The following DYSF variants were observed in gnomAD, a reference collection of about 807,000 sequenced individuals.
DYSF encodes the protein dystrophy-associated fer-1-like 1.
Under a neutral mutation model 274.9 loss-of-function variants are expected in DYSF, and 212 were observed. That is an observed-to-expected ratio of 0.77 (90% CI 0.69 to 0.86). The LOEUF (loss-of-function observed/expected upper bound fraction) is 0.86. Ranked by LOEUF, DYSF falls within the 40% of genes least tolerant of loss-of-function variation. DYSF has a pLI of 0.00. For synonymous variants in DYSF, 1,091 were observed against 1,078.7 expected, an observed-to-expected ratio of 1.01 and a Z score of -0.22; for missense variants, 2,666 against 2,783.2, an observed-to-expected ratio of 0.96 and a Z score of 0.95.
chr2:71,480,958 T>G lies in DYSF; in HGVS notation c.147+20T>G. The stretch of plus-strand genomic sequence containing the variant: ...AATGAGGTATGTGAGTTTTTCTCCT[T>G]CCTTTTCTCTCTGTCTGCTGCAGTT... On this transcript the variant is annotated intron_variant, in intron 2 of 55. Coordinates refer to ENST00000410020, the MANE Select transcript of DYSF (RefSeq NM_001130987.2). 1 of 1,611,414 alleles carries G rather than the reference T, an allele frequency of 6.2e-7. No individual in the cohort carries two copies. Among genetic ancestry groups the G allele is most frequent in the South Asian group, 1.1e-5 (1 of 91,000 alleles).
chr2:71,625,546 A>G (rs890074080), intron 41 of DYSF, among the ~76,000 whole-genome samples: 9 of 151,962 alleles, frequency 5.9e-5, no homozygotes, highest in African/African-American at 2.2e-4. Flanking sequence ...TCTCTGGGCT[A>G]TTTTAGTATC....
intron 42 of DYSF, among the ~76,000 whole-genome samples, chr2:71,655,916 C>T (rs1236133274): frequency 7.4e-6 from 1 of 135,740 alleles, no homozygotes; most frequent in Non-Finnish European, 1.5e-5. Flanking sequence ...TGTCCATCTC[C>T]TCCTCTGTTC....
intron 1 of DYSF, among the ~76,000 whole-genome samples, chr2:71,479,379 G>C (rs984025122): frequency 6.6e-6 from 1 of 151,796 alleles, no homozygotes. Flanking sequence ...GGGCTTAGTG[G>C]GGGAACCCCT....
At chr2:71,513,691 C>G in intron 6 of DYSF, 25 bp from the exon 7 acceptor site, 1 of 1,611,926 alleles carries the variant, frequency 6.2e-7, no homozygotes, top group Non-Finnish European at 8.5e-7. Context: ...GGGATCCAGG[C>G]CTCATTAGGG....
chr2:71,586,171 C>T (rs2093061098), intron 30 of DYSF, among the ~76,000 whole-genome samples: 1 of 151,994 alleles, frequency 6.6e-6, no homozygotes, highest in African/African-American at 2.4e-5. Flanking sequence ...CTGGGAGGGC[C>T]AGTGGACCAG....
At chr2:71,625,738 G>A (rs2152902300) in intron 41 of DYSF, among the ~76,000 whole-genome samples, 1 of 152,118 alleles carries the variant, frequency 6.6e-6, no homozygotes, top group South Asian at 2.1e-4. Flanking sequence ...GATCAGTTTG[G>A]GGAAAGCAGA....
chr2:71,615,158 T>C lies in DYSF; in HGVS notation c.4464+1748T>C, dbSNP rs2093854120. 6.6e-6 allele frequency among the ~76,000 whole-genome samples: 1 copy of C among 152,104 alleles called. No homozygotes were observed. Among genetic ancestry groups the C allele is most frequent in the Non-Finnish European group, 1.5e-5 (1 of 67,992 alleles). ...CACAAGCACAGCCAGAGGCAGACGA[T>C]GAGGAGGCCCAGCCTGGCCATCCTC... On this transcript the variant is annotated intron_variant, in intron 40 of 55. Coordinates refer to ENST00000410020, the MANE Select transcript of DYSF (RefSeq NM_001130987.2). The surrounding 1 kb of genome is among the most constrained non-coding windows in gnomAD (Gnocchi z 4.9).
At position 71,564,204 on chromosome 2, in the gene DYSF, C is replaced by T; in HGVS notation, c.2556C>T (p.Ile852=). Residue 852 remains isoleucine, a synonymous_variant, in exon 24 of 56, where the codon ATC becomes ATT. Transcript: ENST00000410020. The part of the protein sequence containing the change: ...CGKNCGKLQT[I]FLKYPMEKVP... ...AGAATTGTGGGAAGCTACAGACAAT[C>T]TTTCTGAAAGTGAGTTTTCTTTTTT... 1.2e-6 allele frequency: 2 copies of T among 1,614,284 alleles called. No individual in the cohort carries two copies. Among genetic ancestry groups the T allele is most frequent in the Non-Finnish European group, 1.7e-6 (2 of 1,180,050 alleles).
At chr2:71,576,894 G>A (rs1423560769) in intron 30 of DYSF, 2 of 152,276 alleles carry the variant, frequency 1.3e-5, no homozygotes, top group African/African-American at 2.4e-5. Flanking sequence ...TTCTTCTTGT[G>A]GAAGAGACTG....
At chr2:71,673,807 G>T (rs1478769213) in intron 51 of DYSF, among the ~76,000 whole-genome samples, 1 of 152,136 alleles carries the variant, frequency 6.6e-6, no homozygotes, top group East Asian at 1.9e-4. Context: ...AAGGATAAAT[G>T]AGTTCATAGC....
At chr2:71,569,687 T>C (rs2092313332) in intron 26 of DYSF, 133 bp from the exon 27 acceptor site, 1 of 761,384 alleles carries the variant, frequency 1.3e-6, no homozygotes, top group African/African-American at 1.7e-5. Flanking sequence ...CACCCTTCCC[T>C]CCCCACCCCC....
intron 22 of DYSF, among the ~76,000 whole-genome samples, chr2:71,559,973 G>C (rs1446290691): frequency 6.6e-6 from 1 of 152,248 alleles, no homozygotes; most frequent in Non-Finnish European, 1.5e-5. Flanking sequence ...GCAGAGGCAG[G>C]CAGGGACCTT....
In DYSF at chr2:71,673,249, G is replaced by A. The variant is rs372083350; in HGVS notation, c.5785-948G>A. Among the ~76,000 whole-genome samples, 4 of 152,216 alleles carry A rather than the reference G, an allele frequency of 2.6e-5. No homozygotes were observed. The East Asian group carries it at 7.7e-4, about 29-fold the overall frequency. On this transcript the variant is annotated intron_variant, in intron 51 of 55. Coordinates refer to ENST00000410020, the MANE Select transcript of DYSF (RefSeq NM_001130987.2). Reference sequence around the variant, plus strand: ...ACTGCGCTGGAAAGCCCTAGTGACAGTGCTGTGGGTTGAGTGTGGCTGGAC... The same window carrying A: ...ACTGCGCTGGAAAGCCCTAGTGACAATGCTGTGGGTTGAGTGTGGCTGGAC...
rs540199150 is a variant in DYSF, at chr2:71,623,114, C to T, written c.4527+2505C>T. ...TTTACTACAGTTGCAGCCTTCTTAT[C>T]CAATGCAATCGAGACAGGTAGTCGA... On this transcript the variant is annotated intron_variant, in intron 41 of 55. Transcript: ENST00000410020. Among the ~76,000 whole-genome samples, 11 of 152,228 alleles carry T rather than the reference C, an allele frequency of 7.2e-5. No individual in the cohort carries two copies. In the South Asian group the frequency reaches 2.3e-3, roughly 32 times the overall value.
intron 1 of DYSF, among the ~76,000 whole-genome samples, chr2:71,472,685 C>T (rs1033769365): frequency 2.6e-5 from 4 of 152,210 alleles, no homozygotes; most frequent in Admixed American, 6.5e-5. Context: ...GGATTACAGG[C>T]GTGAGCCACC....
intron 45 of DYSF, 85 bp from the exon 46 acceptor site, chr2:71,664,183 G>A: frequency 6.4e-7 from 1 of 1,564,262 alleles, no homozygotes; most frequent in Non-Finnish European, 8.8e-7. Context: ...AAGACTCCCT[G>A]GGGTAGTTTC....
In DYSF at chr2:71,667,435, G is replaced by A. The variant is rs1388042481; in HGVS notation, c.5377G>A (p.Val1793Met). The A allele has an allele frequency of 6.2e-7, 1 of 1,614,156 alleles. No homozygotes were observed. Residue 1793 changes from valine to methionine, a missense_variant, in exon 48 of 56, where the codon GTG becomes ATG. By Grantham distance (21) the Val-to-Met change is conservative (BLOSUM62 1). Transcript: ENST00000410020. ...AGTGGAGGAGCGTCTGGCTCTGCAT[G>A]TGCTTCAGCAGCAGGGCCTGGTCCC... ...GPVEERLALH[V>M]LQQQGLVPEH... is the part of the protein sequence containing the mutation.
chr2:71,570,118 C>A, intron 27 of DYSF, 111 bp from the exon 28 acceptor site: 1 of 1,141,738 alleles, frequency 8.8e-7, no homozygotes, highest in East Asian at 2.4e-5. Context: ...GGGGCTCTGC[C>A]CTTCTGTCTG....
chr2:71,672,377 G>A (rs1003716794), intron 51 of DYSF, among the ~76,000 whole-genome samples: 3 of 152,176 alleles, frequency 2.0e-5, no homozygotes, highest in African/African-American at 4.8e-5. Flanking sequence ...GGCCTGCCAC[G>A]GAGCCAGCCC....
Sources: allele counts gnomAD v4.1 joint callset (sites outside exome capture counted in the v4.1 genomes callset), GRCh38; gene constraint gnomAD v4.1.1; non-coding constraint Gnocchi (gnomAD v3.1); transcripts MANE v1.5; gene names NCBI Gene and HGNC (gene_info 2026-07-23, HGNC 2026-07-21).